Variants in DSCAML1 observed in about 807,000 individuals in gnomAD.
DSCAML1 encodes the protein DS cell adhesion molecule like 1.
Under a neutral mutation model 200.5 loss-of-function variants are expected in DSCAML1, and 38 were observed. That is an observed-to-expected ratio of 0.19 (90% CI 0.15 to 0.25). The LOEUF (loss-of-function observed/expected upper bound fraction) is 0.25, where lower values mean the gene tolerates loss of function less well. DSCAML1 is among the 10% of genes least tolerant of loss of function. The probability of loss-of-function intolerance (pLI) is 1.00; values close to 1 mark genes in which losing one functional copy is unlikely to be tolerated. For synonymous variants in DSCAML1, 1,215 were observed against 1,165.0 expected, an observed-to-expected ratio of 1.04 and a Z score of -0.87; for missense variants, 2,223 against 2,858.8, an observed-to-expected ratio of 0.78 and a Z score of 5.07.
chr11:117,726,105 A>G (rs2054124731), intron 3 of DSCAML1, among the ~76,000 whole-genome samples: 1 of 152,234 alleles, frequency 6.6e-6, no homozygotes, highest in African/African-American at 2.4e-5. Context: ...CACGAGAAGC[A>G]GGACGAAGTG....
rs191435625 is a variant in DSCAML1, at chr11:117,480,826, T to G, written c.2657-255A>C. On this transcript the variant is annotated intron_variant, in intron 13 of 32. Coordinates refer to ENST00000651296, the MANE Select transcript of DSCAML1 (RefSeq NM_020693.4). This position sits in a 1 kb window ranked among gnomAD's most constrained non-coding sequence, Gnocchi z 4.1. ...CTCTTCTGCAGGGATTCCTGTTAGCTGACGGCATTTTTCCCCTTCCAACTT... is the reference window on the plus strand; with the variant it reads ...CTCTTCTGCAGGGATTCCTGTTAGCGGACGGCATTTTTCCCCTTCCAACTT... 6.6e-6 allele frequency among the ~76,000 whole-genome samples: 1 copy of G among 152,172 alleles called. No homozygotes were observed. The highest frequency in any genetic ancestry group is 2.4e-5 in the African/African-American group (1 of 41,456).
Position 117,521,175 on chromosome 11 carries a change from G to C in DSCAML1, c.1168C>G (p.Arg390Gly). The C allele has an allele frequency of 1.9e-6, 3 of 1,614,150 alleles. No homozygotes were observed. In the South Asian group the frequency reaches 3.3e-5, roughly 18 times the overall value. ...AAGTCCTGGGCGGTCTGGGCCTTGCGGGTAGCGAAGCACTGGTAGGCCCCG... is the reference window on the plus strand; with the variant it reads ...AAGTCCTGGGCGGTCTGGGCCTTGCCGGTAGCGAAGCACTGGTAGGCCCCG... ...HSGAYQCFAT[R>G]KAQTAQDFAI... Residue 390 changes from arginine to glycine, a missense_variant, in exon 6 of 33, where the codon CGC (arginine) becomes GGC (glycine). By Grantham distance (125) the Arg-to-Gly change is moderately radical (BLOSUM62 -2). This residue lies in a region of DSCAML1 where 579 missense variants were observed against 721.5 expected (regional missense o/e 0.80). Coordinates refer to ENST00000651296, the MANE Select transcript of DSCAML1 (RefSeq NM_020693.4).
At chr11:117,530,153 TC>T (rs1181044466) in intron 4 of DSCAML1, among the ~76,000 whole-genome samples, 1 of 151,556 alleles carries the variant, frequency 6.6e-6, no homozygotes, top group Non-Finnish European at 1.5e-5. Flanking sequence ...GTGAGTCTCC[TC>T]CCCCTCGCCC....
At chr11:117,699,633 C>T (rs1297188573) in intron 3 of DSCAML1, among the ~76,000 whole-genome samples, 3 of 152,178 alleles carry the variant, frequency 2.0e-5, no homozygotes, top group Non-Finnish European at 4.4e-5. Flanking sequence ...TCAGGTTGCT[C>T]CCCACTGACT....
intron 8 of DSCAML1, among the ~76,000 whole-genome samples, chr11:117,512,169 C>T (rs192764081): frequency 6.8e-4 from 103 of 152,278 alleles, no homozygotes; most frequent in African/African-American, 2.3e-3. Context: ...ACCATCCCTG[C>T]CCCCGCAACT....
chr11:117,505,640 T>C lies in DSCAML1; in HGVS notation c.1876A>G (p.Ile626Val), dbSNP rs2049481442. 2 of 1,614,024 alleles carry C rather than the reference T, an allele frequency of 1.2e-6. No individual in the cohort carries two copies. Among genetic ancestry groups the C allele is most frequent in the Non-Finnish European group, 1.7e-6 (2 of 1,180,022 alleles). ...PCVVSSGDMP[I>V]RITWRKDGQV... ...CCGTCCTTCCTCCAGGTGATACGGA[T>C]GGGCATGTCCCCCGAGGACACCACA... Residue 626 changes from isoleucine to valine, a missense_variant, in exon 9 of 33, where the codon ATC becomes GTC. Physicochemically the swap from Ile to Val is conservative, Grantham distance 29. Around this residue, in one of 7 missense-constraint regions of DSCAML1, gnomAD observed 212 missense variants for 368.0 expected, o/e 0.58. Coordinates refer to ENST00000651296, the MANE Select transcript of DSCAML1 (RefSeq NM_020693.4). This position sits in a 1 kb window ranked among gnomAD's most constrained non-coding sequence, Gnocchi z 6.7.
chr11:117,766,906 G>A (rs188987046), intron 3 of DSCAML1, among the ~76,000 whole-genome samples: 23 of 152,204 alleles, frequency 1.5e-4, no homozygotes, highest in African/African-American at 5.3e-4. Flanking sequence ...AGGGAGCTGC[G>A]GGCATGTTCT....
rs746166512 is a variant in DSCAML1 at position 117,428,450 on chromosome 11, C to G, written c.6040G>C (p.Gly2014Arg). 2.6e-6 allele frequency: 4 copies of G among 1,531,628 alleles called. No individual in the cohort carries two copies. In the South Asian group the frequency reaches 3.8e-5, roughly 14 times the overall value. 94.9% of individuals were successfully genotyped at this position (1,531,628 alleles called of 1,614,324 possible). The stretch of plus-strand genomic sequence containing the variant: ...CCCCCCATTTTGGTGTGTGGGCCCC[C>G]GGCTCGTGGAGGCTCGGTGCTGGGG... ...PAPSTEPPRA[G>R]GPHTKMGGSR... Residue 2014 changes from glycine (G) to arginine (R), a missense_variant, in exon 33 of 33, where the codon GGG becomes CGG. Physicochemically the swap from Gly to Arg is moderately radical, Grantham distance 125. Around this residue, in one of 7 missense-constraint regions of DSCAML1, gnomAD observed 280 missense variants for 213.4 expected, o/e 1.31. Transcript: ENST00000651296.
At chr11:117,720,174 G>T (rs941198160) in intron 3 of DSCAML1, among the ~76,000 whole-genome samples, 4 of 152,098 alleles carry the variant, frequency 2.6e-5, no homozygotes, top group African/African-American at 4.8e-5. Flanking sequence ...CCCCCCGCCC[G>T]CACAGCCCAC....
chr11:117,708,746 C>T lies in DSCAML1; in HGVS notation c.511+68045G>A, dbSNP rs544448672. ...CAGGGCTTTTGTGTAAGAGGTGGTA[C>T]ATTACACACAAGTGAAGCGATACCA... On this transcript the variant is annotated intron_variant, in intron 3 of 32. Transcript: ENST00000651296. Among the ~76,000 whole-genome samples, 3 of 152,336 alleles carry T rather than the reference C, an allele frequency of 2.0e-5. No homozygotes were observed. In the East Asian group the frequency reaches 5.8e-4, roughly 29 times the overall value.
At chr11:117,493,867 A>G (rs1455544787) in intron 11 of DSCAML1, among the ~76,000 whole-genome samples, 3 of 152,078 alleles carry the variant, frequency 2.0e-5, no homozygotes, top group African/African-American at 4.8e-5. Context: ...GGCTCAAGCA[A>G]TTCGCCCCCC....
chr11:117,567,291 T>A (rs1182560965), intron 3 of DSCAML1, among the ~76,000 whole-genome samples: 1 of 152,148 alleles, frequency 6.6e-6, no homozygotes, highest in Non-Finnish European at 1.5e-5. Flanking sequence ...TGAGATGGTA[T>A]CTCATTGTGG....
chr11:117,485,279 G>A (rs1223188045), intron 11 of DSCAML1, among the ~76,000 whole-genome samples: 1 of 152,188 alleles, frequency 6.6e-6, no homozygotes, highest in South Asian at 2.1e-4. Flanking sequence ...GGGACAGCAG[G>A]GTCCCCAGGG....
intron 11 of DSCAML1, among the ~76,000 whole-genome samples, chr11:117,502,497 G>A (rs914832373): frequency 3.3e-5 from 5 of 152,340 alleles, no homozygotes; most frequent in Middle Eastern, 3.4e-3. Flanking sequence ...TTTTGATAGT[G>A]TGAGGGAAGT....
chr11:117,590,761 C>CT (rs983951060), intron 3 of DSCAML1, among the ~76,000 whole-genome samples: 6 of 152,224 alleles, frequency 3.9e-5, no homozygotes, highest in African/African-American at 1.4e-4. Flanking sequence ...AGGGTGATGG[C>CT]TAGGAAGGGG....
chr11:117,634,059 ACTTGC>A (rs976868725), intron 3 of DSCAML1, among the ~76,000 whole-genome samples: 20 of 152,166 alleles, frequency 1.3e-4, no homozygotes, highest in African/African-American at 4.8e-4. Context: ...CCAGTTTTAC[ACTTGC>A]CTTGAGGAAA....
At chr11:117,458,948 C>A (rs372470127) in intron 18 of DSCAML1, 39 bp from the exon 19 acceptor site, 1 of 1,598,880 alleles carries the variant, frequency 6.3e-7, no homozygotes, top group Admixed American at 1.7e-5. Flanking sequence ...CCAGCTCCAT[C>A]GGGCTGTGGC....
chr11:117,708,555 A>G (rs670972), intron 3 of DSCAML1, among the ~76,000 whole-genome samples: 138,654 of 152,258 alleles, frequency 0.91, 63,612 homozygotes, highest in Non-Finnish European at 0.97. Flanking sequence ...CATTAAACAC[A>G]CAGTACTTGG....
intron 3 of DSCAML1, among the ~76,000 whole-genome samples, chr11:117,669,590 G>C (rs1158584835): frequency 6.6e-6 from 1 of 152,232 alleles, no homozygotes; most frequent in East Asian, 1.9e-4. Flanking sequence ...ATGTAGTTAG[G>C]AAGACCAGAT....
Sources: allele counts gnomAD v4.1 joint callset (sites outside exome capture counted in the v4.1 genomes callset), GRCh38; gene constraint gnomAD v4.1.1; regional missense constraint gnomAD v4.1.1; non-coding constraint Gnocchi (gnomAD v3.1); transcripts MANE v1.5; gene names NCBI Gene and HGNC (gene_info 2026-07-23, HGNC 2026-07-21).